The following GALNT11 variants were observed in gnomAD, a reference collection of about 807,000 sequenced individuals.
GALNT11 encodes polypeptide N-acetylgalactosaminyltransferase 11.
GALNT11 carries 47 observed loss-of-function variants against 72.7 expected under a neutral mutation model. The ratio of observed to expected loss-of-function variants is 0.65; its 90% CI spans 0.51 to 0.82. The LOEUF (loss-of-function observed/expected upper bound fraction) is 0.82, where lower values mean the gene tolerates loss of function less well. Ranked by LOEUF, GALNT11 falls within the 40% of genes least tolerant of loss-of-function variation. The pLI is 0.00. For synonymous variants in GALNT11, 270 were observed against 286.6 expected, an observed-to-expected ratio of 0.94 and a Z score of 0.58; for missense variants, 677 against 778.4, an observed-to-expected ratio of 0.87 and a Z score of 1.55.
chr7:152,075,783 C>T (rs1191913288), intron 1 of GALNT11, among the ~76,000 whole-genome samples: 3 of 133,600 alleles, frequency 2.2e-5, no homozygotes, highest in Admixed American at 7.5e-5. Flanking sequence ...GCAACAAGAG[C>T]AAAACTCTGT....
At chr7:152,093,416 GTTTATA>G (rs1042949624) in intron 1 of GALNT11, among the ~76,000 whole-genome samples, 1 of 151,754 alleles carries the variant, frequency 6.6e-6, no homozygotes, top group Non-Finnish European at 1.5e-5. Flanking sequence ...TTTTTAAGTT[GTTTATA>G]TTTATTTATT....
At chr7:152,109,575 A>G (rs1016222358) in intron 6 of GALNT11, among the ~76,000 whole-genome samples, 6 of 152,158 alleles carry the variant, frequency 3.9e-5, no homozygotes, top group Non-Finnish European at 2.9e-5. Flanking sequence ...TCTTTGCTTG[A>G]TAATTCCATA....
chr7:152,061,732 A>G (rs2128999510), intron 1 of GALNT11, among the ~76,000 whole-genome samples: 1 of 152,304 alleles, frequency 6.6e-6, no homozygotes, highest in South Asian at 2.1e-4. Context: ...TAAATAGGGA[A>G]TCCTTTCCCC....
At chr7:152,037,495 G>A (rs1157167914) in intron 1 of GALNT11, among the ~76,000 whole-genome samples, 1 of 152,100 alleles carries the variant, frequency 6.6e-6, no homozygotes, top group Non-Finnish European at 1.5e-5. Flanking sequence ...TTGTAATTTG[G>A]GGTTAGATAA....
At chr7:152,102,594 G>A (rs1442139357) in intron 3 of GALNT11, among the ~76,000 whole-genome samples, 1 of 151,986 alleles carries the variant, frequency 6.6e-6, no homozygotes, top group Non-Finnish European at 1.5e-5. Flanking sequence ...ATAGGAGGGA[G>A]ACATTATTAG....
chr7:152,086,196 A>G (rs4473937), intron 1 of GALNT11, among the ~76,000 whole-genome samples: 2 of 151,594 alleles, frequency 1.3e-5, no homozygotes, highest in African/African-American at 4.8e-5. Flanking sequence ...CAATTTTTGT[A>G]TTTTTTTAAG....
intron 3 of GALNT11, among the ~76,000 whole-genome samples, chr7:152,102,510 C>G (rs1166566587): frequency 6.6e-6 from 1 of 151,940 alleles, no homozygotes; most frequent in African/African-American, 2.4e-5. Context: ...CCACAGCACT[C>G]CAGCCTAGTG....
At chr7:152,112,050 T>G (rs1360854587) in intron 7 of GALNT11, among the ~76,000 whole-genome samples, 1 of 151,692 alleles carries the variant, frequency 6.6e-6, no homozygotes. Flanking sequence ...CAGAGGACCA[T>G]GGTGTAGACA....
intron 1 of GALNT11, among the ~76,000 whole-genome samples, chr7:152,060,330 C>G (rs2083927897): frequency 6.6e-6 from 1 of 152,188 alleles, no homozygotes; most frequent in African/African-American, 2.4e-5. Flanking sequence ...TTTCTTATTC[C>G]TGTGTTCACT....
rs1488366516 is a variant in GALNT11 at position 152,117,425 on chromosome 7, A to G, written c.1452+50A>G. ...GGCTTATGAAAAGCGTTTGATATGA[A>G]AAGTTTTGAGGTGTCCATAAGCTAT... On this transcript the variant is annotated intron_variant, in intron 9 of 11. Transcript: ENST00000430044. 2.5e-6 allele frequency: 4 copies of G among 1,586,714 alleles called. No individual in the cohort carries two copies. The South Asian group carries it at 4.4e-5, about 18-fold the overall frequency.
intron 6 of GALNT11, among the ~76,000 whole-genome samples, chr7:152,109,934 A>G (rs1022336517): frequency 6.6e-6 from 1 of 152,130 alleles, no homozygotes; most frequent in African/African-American, 2.4e-5. Flanking sequence ...CCTTGGCACT[A>G]CTGACATTTT....
intron 11 of GALNT11, 58 bp from the exon 12 acceptor site, chr7:152,121,488 G>T: frequency 6.3e-7 from 1 of 1,575,246 alleles, no homozygotes; most frequent in South Asian, 1.2e-5. Flanking sequence ...TCTCTCCTCT[G>T]GATTTCCATG....
intron 1 of GALNT11, among the ~76,000 whole-genome samples, chr7:152,057,443 AT>A (rs2083748956): frequency 6.6e-6 from 1 of 151,390 alleles, no homozygotes; most frequent in African/African-American, 2.4e-5. Flanking sequence ...AGTAGCTGGG[AT>A]TACAGGCGCC....
intron 1 of GALNT11, among the ~76,000 whole-genome samples, chr7:152,039,302 T>G (rs933659893): frequency 6.6e-6 from 1 of 152,216 alleles, no homozygotes; most frequent in Non-Finnish European, 1.5e-5. Flanking sequence ...TATAAATAGG[T>G]TTTTGAGGGT....
intron 6 of GALNT11, among the ~76,000 whole-genome samples, chr7:152,109,602 A>C (rs528555218): frequency 2.6e-5 from 4 of 152,162 alleles, no homozygotes; most frequent in African/African-American, 9.6e-5. Flanking sequence ...ACCCCTTCAT[A>C]TCTGTTTCTG....
intron 1 of GALNT11, among the ~76,000 whole-genome samples, chr7:152,059,974 T>C (rs1312178374): frequency 1.3e-5 from 2 of 152,246 alleles, no homozygotes; most frequent in African/African-American, 2.4e-5. Context: ...CTCCTTCCAA[T>C]AGATGGCTGT....
At chr7:152,070,526 T>C (rs977311535) in intron 1 of GALNT11, among the ~76,000 whole-genome samples, 1 of 152,166 alleles carries the variant, frequency 6.6e-6, no homozygotes, top group Non-Finnish European at 1.5e-5. Flanking sequence ...CTGCAGTCCT[T>C]GGCTTGTGGC....
At chr7:152,060,625 C>G (rs56294363) in intron 1 of GALNT11, among the ~76,000 whole-genome samples, 29 of 151,944 alleles carry the variant, frequency 1.9e-4, no homozygotes, top group South Asian at 1.5e-3. Flanking sequence ...TCCCTCCCCC[C>G]CCTCCACCCC....
chr7:152,034,982 C>T (rs1024679293), intron 1 of GALNT11, among the ~76,000 whole-genome samples: 7 of 152,136 alleles, frequency 4.6e-5, no homozygotes, highest in African/African-American at 1.2e-4. Context: ...GGGACTTTAC[C>T]CCTCCTGTAA....
Sources: allele counts gnomAD v4.1 joint callset (sites outside exome capture counted in the v4.1 genomes callset), GRCh38; gene constraint gnomAD v4.1.1; transcripts MANE v1.5; gene names NCBI Gene and HGNC (gene_info 2026-07-23, HGNC 2026-07-21).